The following ARID1A variants were observed in gnomAD, a reference collection of about 807,000 sequenced individuals.
ARID1A encodes AT-rich interactive domain-containing protein 1A.
In ARID1A, 20 loss-of-function variants were observed where a neutral mutation model predicts 212.6. The ratio of observed to expected loss-of-function variants is 0.09; its 90% CI spans 0.07 to 0.14. ARID1A has a LOEUF of 0.14. Among genes scored for constraint, ARID1A ranks in the 10% least tolerant of loss-of-function variants. The pLI is 1.00. For missense variants in ARID1A, 2,587 were observed against 3,059.0 expected (o/e 0.85, Z 3.64); for synonymous variants, 1,376 against 1,222.1 (o/e 1.13, Z -2.63).
chr1:26,711,064 C>A (rs1200493829), intron 1 of ARID1A, among the ~76,000 whole-genome samples: 3 of 151,734 alleles, frequency 2.0e-5, no homozygotes, highest in Non-Finnish European at 4.4e-5. Flanking sequence ...TGTCTTCTTG[C>A]CGGTCTACCA....
chr1:26,724,782 C>G (rs1470617542), intron 1 of ARID1A, among the ~76,000 whole-genome samples: 1 of 152,084 alleles, frequency 6.6e-6, no homozygotes, highest in Non-Finnish European at 1.5e-5. Flanking sequence ...AGGGGAACTC[C>G]CTATGCAAGG....
Position 26,774,548 on chromosome 1 carries a change from G to A in ARID1A, c.4321G>A (p.Ala1441Thr), listed in dbSNP as rs2124118530. 1.2e-6 allele frequency: 2 copies of A among 1,614,184 alleles called. No individual in the cohort carries two copies. Among genetic ancestry groups the A allele is most frequent in the Non-Finnish European group, 1.7e-6 (2 of 1,180,024 alleles). The change falls in exon 18 of 20, where the codon GCT (alanine) becomes ACT (threonine). Residue 1441 changes from alanine to threonine, a missense_variant. By Grantham distance (58) the Ala-to-Thr change is moderately conservative (BLOSUM62 0). Around this residue, in one of 11 missense-constraint regions of ARID1A, gnomAD observed 890 missense variants for 1,098.2 expected, o/e 0.81. Transcript: ENST00000324856. This position sits in a 1 kb window ranked among gnomAD's most constrained non-coding sequence, Gnocchi z 5.6. ...YGNAYPATAT[A>T]ATERRPAGGP... is the part of the protein sequence containing the mutation. ...CAATGCCTATCCTGCCACTGCCACA[G>A]CTGCTACTGAGCGCCGACCAGCAGG...
At chr1:26,702,335 C>A (rs1021015551) in intron 1 of ARID1A, among the ~76,000 whole-genome samples, 6 of 152,192 alleles carry the variant, frequency 3.9e-5, no homozygotes, top group Non-Finnish European at 7.3e-5. Flanking sequence ...TCCAGCACAC[C>A]TGAATTTCCA....
At position 26,696,400 on chromosome 1, in the gene ARID1A, G is replaced by T; in HGVS notation, c.-4G>T. 7.8e-7 allele frequency: 1 copy of T among 1,277,820 alleles called. No homozygotes were observed. The highest frequency in any genetic ancestry group is 9.8e-7 in the Non-Finnish European group (1 of 1,015,450). 79.2% of individuals were successfully genotyped at this position (1,277,820 alleles called of 1,614,324 possible). ...GTCTCTCCGCGGACGAGACAGCGGGGATCATGGCCGCGCAGGTCGCCCCCG... is the reference window on the plus strand; with the variant it reads ...GTCTCTCCGCGGACGAGACAGCGGGTATCATGGCCGCGCAGGTCGCCCCCG... On this transcript the variant is annotated 5_prime_UTR_variant, in exon 1 of 20. Transcript: ENST00000324856.
rs191039021 is a variant in ARID1A at position 26,718,415 on chromosome 1, A to C, written c.1138-11236A>C. On this transcript the variant is annotated intron_variant, in intron 1 of 19. Transcript: ENST00000324856. The stretch of plus-strand genomic sequence containing the variant: ...CCACTGCCTAGAACTGGCCATGTAC[A>C]ATAGTCCTCCCTTATCTGTGCGGCG... Among the ~76,000 whole-genome samples, 128 of 152,278 alleles carry C rather than the reference A, an allele frequency of 8.4e-4. 1 individual carries two copies. In the Middle Eastern group the frequency reaches 0.01, roughly 12 times the overall value.
intron 1 of ARID1A, among the ~76,000 whole-genome samples, chr1:26,716,259 G>C (rs1230321053): frequency 6.6e-6 from 1 of 151,126 alleles, no homozygotes; most frequent in East Asian, 1.9e-4. Context: ...CCACATGCTA[G>C]TTGCTTACAT....
At chr1:26,737,472 C>T (rs1485251733) in intron 4 of ARID1A, among the ~76,000 whole-genome samples, 1 of 152,142 alleles carries the variant, frequency 6.6e-6, no homozygotes, top group African/African-American at 2.4e-5. Flanking sequence ...GTGTTATTGA[C>T]CTCTGTGCCC....
chr1:26,769,854 T>C (rs1449963321), intron 11 of ARID1A: 1 of 152,282 alleles, frequency 6.6e-6, no homozygotes, highest in African/African-American at 2.4e-5. Context: ...GCTTGGTCAG[T>C]GTGCCCTGAA....
intron 1 of ARID1A, among the ~76,000 whole-genome samples, chr1:26,711,114 C>CT (rs572779178): frequency 1.3e-3 from 183 of 144,400 alleles, no homozygotes; most frequent in East Asian, 2.4e-3. Flanking sequence ...GTCTCTTGCT[C>CT]TTTTTTTTTT....
At chr1:26,698,521 A>G (rs1014888866) in intron 1 of ARID1A, among the ~76,000 whole-genome samples, 1 of 152,198 alleles carries the variant, frequency 6.6e-6, no homozygotes, top group African/African-American at 2.4e-5. Flanking sequence ...TGCCCTTGTT[A>G]CATTGTGCCC....
intron 4 of ARID1A, among the ~76,000 whole-genome samples, chr1:26,751,722 T>G (rs1005659141): frequency 1.3e-5 from 2 of 152,200 alleles, no homozygotes; most frequent in Non-Finnish European, 2.9e-5. Flanking sequence ...TTTATTAACT[T>G]TATCTAACAT....
chr1:26,747,673 C>A (rs1259347414), intron 4 of ARID1A, among the ~76,000 whole-genome samples: 3 of 149,634 alleles, frequency 2.0e-5, no homozygotes, highest in Admixed American at 1.3e-4. Context: ...CAGCAAGATC[C>A]CCATCTCTAC....
chr1:26,736,317 CATCTCAA>C (rs1225620923), intron 4 of ARID1A, among the ~76,000 whole-genome samples: 2 of 103,936 alleles, frequency 1.9e-5, no homozygotes, highest in African/African-American at 3.9e-5. Flanking sequence ...CAGTGAACTC[CATCTCAA>C]AAAAAAAAAA....
At chr1:26,710,818 C>T (rs765321459) in intron 1 of ARID1A, among the ~76,000 whole-genome samples, 5 of 152,162 alleles carry the variant, frequency 3.3e-5, no homozygotes, top group Non-Finnish European at 7.3e-5. Flanking sequence ...TGTTTTATGT[C>T]TATGTGCCCT....
chr1:26,752,238 G>A (rs2080891200), intron 4 of ARID1A, among the ~76,000 whole-genome samples: 3 of 152,176 alleles, frequency 2.0e-5, no homozygotes, highest in African/African-American at 7.2e-5. Context: ...TCTGTGTGTT[G>A]ATTCTTTCTT....
At chr1:26,767,134 C>T (rs1308413003) in intron 10 of ARID1A, among the ~76,000 whole-genome samples, 1 of 152,156 alleles carries the variant, frequency 6.6e-6, no homozygotes, top group Non-Finnish European at 1.5e-5. Flanking sequence ...ACCTCACTTT[C>T]CCTATCTGTA....
chr1:26,736,858 C>T (rs1032426783), intron 4 of ARID1A, among the ~76,000 whole-genome samples: 9 of 148,456 alleles, frequency 6.1e-5, no homozygotes, highest in Non-Finnish European at 8.9e-5. Context: ...GCCAAGATCA[C>T]GCCATTGCAC....
intron 1 of ARID1A, chr1:26,729,378 C>T: frequency 2.2e-6 from 1 of 459,348 alleles, no homozygotes; most frequent in Non-Finnish European, 4.0e-6. Flanking sequence ...CGGCCTGTCC[C>T]TTGGATCTCA....
At chr1:26,699,728 T>C (rs1181649075) in intron 1 of ARID1A, among the ~76,000 whole-genome samples, 1 of 152,230 alleles carries the variant, frequency 6.6e-6, no homozygotes, top group Non-Finnish European at 1.5e-5. Flanking sequence ...TGGTTTTGGC[T>C]GAAAATTTTA....
Sources: allele counts gnomAD v4.1 joint callset (sites outside exome capture counted in the v4.1 genomes callset), GRCh38; gene constraint gnomAD v4.1.1; regional missense constraint gnomAD v4.1.1; non-coding constraint Gnocchi (gnomAD v3.1); transcripts MANE v1.5; gene names NCBI Gene and HGNC (gene_info 2026-07-23, HGNC 2026-07-21).